Variants in RCC1L observed in about 807,000 individuals in gnomAD.
The protein encoded by RCC1L is RCC1 like.
Under a neutral mutation model 58.6 loss-of-function variants are expected in RCC1L, and 46 were observed. That is an observed-to-expected ratio of 0.79 (90% CI 0.62 to 1.00). The LOEUF (loss-of-function observed/expected upper bound fraction) is 1.00, where lower values mean the gene tolerates loss of function less well. RCC1L is among the 50% of genes least tolerant of loss of function. RCC1L has a pLI of 0.00. For missense variants in RCC1L, 636 were observed against 623.6 expected (o/e 1.02, Z -0.21); for synonymous variants, 281 against 262.9 (o/e 1.07, Z -0.67).
At chr7:75,068,320 C>CAAA (rs67141856) in intron 2 of RCC1L, among the ~76,000 whole-genome samples, 4 of 114,440 alleles carry the variant, frequency 3.5e-5, no homozygotes, top group Non-Finnish European at 3.5e-5. Context: ...AACTCTGACT[C>CAAA]AAAAAAAAAA....
intron 6 of RCC1L, 140 bp downstream of exon 6, chr7:75,061,067 T>C (rs972639731): frequency 2.5e-6 from 2 of 787,120 alleles, no homozygotes; most frequent in South Asian, 2.7e-5. Context: ...GAGCCAAGAA[T>C]AGTGTTCCTC....
chr7:75,064,187 G>A (rs1372750760), intron 4 of RCC1L, among the ~76,000 whole-genome samples: 7 of 151,710 alleles, frequency 4.6e-5, no homozygotes, highest in Admixed American at 2.0e-4. Context: ...AAAATTAGCC[G>A]GGCCTGCTGG....
intron 10 of RCC1L, among the ~76,000 whole-genome samples, chr7:75,047,077 C>G (rs1805744737): frequency 6.6e-6 from 1 of 152,134 alleles, no homozygotes; most frequent in Admixed American, 6.5e-5. Context: ...CCTGCCTCAG[C>G]CCCCCAAGTA....
rs587612603 is a variant in RCC1L, at chr7:75,056,122, C to T, written c.1058-48G>A. On this transcript the variant is annotated intron_variant, in intron 8 of 10. Transcript: ENST00000610322. ...GTCAGTAAGTCCATCCAAGTAAGAA[C>T]CTCCCTCACCAGAAACTCAAACTAC... 1.8e-4 allele frequency: 294 copies of T among 1,607,624 alleles called. 1 individual carries two copies. The African/African-American group carries it at 3.2e-3, about 17-fold the overall frequency.
intron 3 of RCC1L, among the ~76,000 whole-genome samples, chr7:75,066,433 G>A (rs1346123267): frequency 1.1e-4 from 16 of 152,092 alleles, no homozygotes; most frequent in Admixed American, 4.6e-4. Flanking sequence ...CAGCCTGGGC[G>A]ACAGAGCGAG....
downstream of RCC1L, among the ~76,000 whole-genome samples, chr7:75,038,001 G>A (rs1427390373): frequency 4.6e-5 from 7 of 152,232 alleles, no homozygotes; most frequent in South Asian, 2.1e-4. Context: ...CAGCAGGAGC[G>A]TCTCGGGTAG....
chr7:75,055,853 A>C (rs2131992076), intron 9 of RCC1L, 48 bp downstream of exon 9: 1 of 1,611,582 alleles, frequency 6.2e-7, no homozygotes, highest in African/African-American at 1.3e-5. Flanking sequence ...CTGGAGACAG[A>C]GAACCTCTGC....
intron 10 of RCC1L, among the ~76,000 whole-genome samples, chr7:75,051,825 C>T (rs1000023208): frequency 0.011 from 1,707 of 152,276 alleles, 13 homozygotes; most frequent in Middle Eastern, 0.02. Flanking sequence ...CAGGCACACA[C>T]ACACAAAGCA....
At chr7:75,053,751 G>A (rs952774833) in intron 9 of RCC1L, among the ~76,000 whole-genome samples, 61 of 152,260 alleles carry the variant, frequency 4.0e-4, no homozygotes, top group African/African-American at 1.4e-3. Flanking sequence ...CAAAAGGCTT[G>A]GGTCATGGGA....
rs782609945 is a variant in RCC1L at position 75,070,761 on chromosome 7, A to C, written c.333T>G (p.Ser111=). 6.2e-6 allele frequency: 10 copies of C among 1,614,070 alleles called. No homozygotes were observed. In the East Asian group the frequency reaches 2.2e-4, roughly 36 times the overall value. ...GTGTGAATCCATAGCCGCAAGCAGCAGATGAAATCTGAAAAGCAGTTCCCA... is the reference window on the plus strand; with the variant it reads ...GTGTGAATCCATAGCCGCAAGCAGCCGATGAAATCTGAAAAGCAGTTCCCA... ...YRLELDQKIS[S]AACGYGFTLL... Residue 111 remains serine, a synonymous_variant, in exon 2 of 11, where the codon TCT becomes TCG. Transcript: ENST00000610322.
At chr7:75,057,052 C>T (rs1235019006) in intron 8 of RCC1L, among the ~76,000 whole-genome samples, 1 of 152,178 alleles carries the variant, frequency 6.6e-6, no homozygotes, top group African/African-American at 2.4e-5. Flanking sequence ...CGGCTCACTA[C>T]AACCTCTGCC....
chr7:75,058,513 G>A, intron 7 of RCC1L, 75 bp downstream of exon 7: 1 of 1,533,988 alleles, frequency 6.5e-7, no homozygotes, highest in Non-Finnish European at 8.8e-7. Flanking sequence ...TTACAGGTGT[G>A]AGCCACCACA....
chr7:75,059,365 C>T (rs1806201997), intron 6 of RCC1L, among the ~76,000 whole-genome samples: 1 of 151,080 alleles, frequency 6.6e-6, no homozygotes, highest in African/African-American at 2.4e-5. Flanking sequence ...TGGGTTCAAG[C>T]AGTTCTTTAA....
chr7:75,053,241 G>T (rs1285746767), intron 9 of RCC1L, among the ~76,000 whole-genome samples: 2 of 110,414 alleles, frequency 1.8e-5, no homozygotes, highest in Non-Finnish European at 2.1e-5. Context: ...GGGTCTGGGG[G>T]TGGTGGACAG....
chr7:75,058,715 G>A lies in RCC1L; in HGVS notation c.842C>T (p.Ala281Val), dbSNP rs1252836999. Residue 281 changes from alanine (A) to valine (V), a missense_variant, in exon 7 of 11, where the codon GCG (alanine) becomes GTG (valine). Ala to Val is a moderately conservative substitution (Grantham distance 64, BLOSUM62 0). Transcript: ENST00000610322. ...GGCAACTTGGATAACGTTCACTCCC[G>A]CCAGGTCTCCACCCAGCTTGGTGGG... is the stretch of plus-strand genomic sequence containing the variant. ...SSPTKLGGDL[A>V]GVNVIQVATY... 11 of 1,613,924 alleles carry A rather than the reference G, an allele frequency of 6.8e-6. No individual in the cohort carries two copies. Among genetic ancestry groups the A allele is most frequent in the African/African-American group, 4.0e-5 (3 of 75,028 alleles).
intron 2 of RCC1L, among the ~76,000 whole-genome samples, chr7:75,069,380 C>CT (rs35059717): frequency 6.6e-6 from 1 of 150,954 alleles, no homozygotes; most frequent in Non-Finnish European, 1.5e-5. Flanking sequence ...TTTTTCATTT[C>CT]TTTTTTTTAG....
At chr7:75,063,179 A>C (rs1806330198) in intron 5 of RCC1L, 113 bp downstream of exon 5, 1 of 1,161,022 alleles carries the variant, frequency 8.6e-7, no homozygotes, top group Non-Finnish European at 1.3e-6. Context: ...TTTTACTAAA[A>C]TAATTTAATT....
In RCC1L at chr7:75,056,479, T is replaced by C. The variant is rs963194208; in HGVS notation, c.1058-405A>G. 2.1e-6 allele frequency: 3 copies of C among 1,462,624 alleles called. No homozygotes were observed. The African/African-American group carries it at 4.2e-5, about 21-fold the overall frequency. 90.6% of individuals were successfully genotyped at this position (1,462,624 alleles called of 1,614,324 possible). A position where few individuals can be genotyped will look rare whatever the true frequency, so the allele number is the denominator to read the frequency against. On this transcript the variant is annotated intron_variant, in intron 8 of 10. Coordinates refer to ENST00000610322, the MANE Select transcript of RCC1L (RefSeq NM_030798.5). ...CAGAAGGCCAAACACATCAACAATG[T>C]CTGGCCAGATTCTTAAAACTCTTAG...
chr7:75,031,133 C>T (rs1192568821), intron 10 of RCC1L, among the ~76,000 whole-genome samples: 6 of 152,212 alleles, frequency 3.9e-5, no homozygotes, highest in Non-Finnish European at 5.9e-5. Flanking sequence ...CCAAGCCCTC[C>T]TCTTTCTCTA....
Sources: gnomAD v4.1 joint callset for allele counts (sites outside exome capture counted in the v4.1 genomes callset) on GRCh38, gnomAD v4.1.1 for gene constraint, MANE v1.5 for transcripts, NCBI Gene and HGNC (gene_info 2026-07-23, HGNC 2026-07-21) for gene names.